Variants in STON2 observed in about 807,000 individuals in gnomAD.
STON2 encodes stonin 2, also known as stonin-2.
A neutral mutation model predicts 65.7 loss-of-function variants in STON2; 29 were observed. That is an observed-to-expected ratio of 0.44 (90% CI 0.33 to 0.60). The LOEUF is 0.60. Ranked by LOEUF, STON2 falls within the 20% of genes least tolerant of loss-of-function variation. The pLI is 0.03. For missense variants in STON2, 1,054 were observed against 1,118.1 expected (o/e 0.94, Z 0.82); for synonymous variants, 404 against 414.2 (o/e 0.98, Z 0.30).
intron 5 of STON2, among the ~76,000 whole-genome samples, chr14:81,292,438 CTT>C (rs1217860229): frequency 6.6e-6 from 1 of 152,210 alleles, no homozygotes; most frequent in African/African-American, 2.4e-5. Flanking sequence ...ATAATCCCCT[CTT>C]GTCATTGGAG....
intron 1 of STON2, among the ~76,000 whole-genome samples, chr14:81,431,735 G>A (rs117681714): frequency 9.3e-5 from 14 of 150,368 alleles, no homozygotes; most frequent in African/African-American, 1.7e-4. Flanking sequence ...CCGATATTGC[G>A]CACTGCACTC....
At chr14:81,426,873 C>T (rs761833785) in intron 2 of STON2, among the ~76,000 whole-genome samples, 2 of 152,190 alleles carry the variant, frequency 1.3e-5, no homozygotes, top group Non-Finnish European at 2.9e-5. Context: ...ACGTAAGCTT[C>T]GTCTAACACA....
At position 81,384,166 on chromosome 14, in the gene STON2, T is replaced by A. The variant is rs536229029; in HGVS notation, c.373+11728A>T. 1.8e-4 allele frequency among the ~76,000 whole-genome samples: 27 copies of A among 152,312 alleles called. No individual in the cohort carries two copies. In the Middle Eastern group the frequency reaches 0.01, roughly 58 times the overall value. On this transcript the variant is annotated intron_variant, in intron 3 of 7. Coordinates refer to ENST00000614646, the MANE Select transcript of STON2 (RefSeq NM_001394390.1). The stretch of plus-strand genomic sequence containing the variant: ...GGAAAATTTCACATCCCCCTCACCA[T>A]AGTCCCTTGTTTTGCCTCATTTTTC...
At chr14:81,435,894 G>C (rs975735150) in intron 1 of STON2, among the ~76,000 whole-genome samples, 1 of 152,204 alleles carries the variant, frequency 6.6e-6, no homozygotes, top group Non-Finnish European at 1.5e-5. Flanking sequence ...CCCGAAGGCG[G>C]GGCGCGGCGC....
chr14:81,415,296 G>C lies in STON2; in HGVS notation c.-199+11806C>G, dbSNP rs536787533. The stretch of plus-strand genomic sequence containing the variant: ...GCATTTCAGAGAAATGCTGAGGCCA[G>C]AGAGGCCTCAGCTGAGGCCAGAGAG... On this transcript the variant is annotated intron_variant, in intron 2 of 8. Transcript: ENST00000553821. Among the ~76,000 whole-genome samples the C allele has an allele frequency of 5.1e-4, 53 of 104,412 alleles. No individual in the cohort carries two copies. The East Asian group carries it at 0.015, about 30-fold the overall frequency. The allele number at this position is 104,412 out of a possible 152,430, so 68.5% of individuals were successfully genotyped here. A position where few individuals can be genotyped will look rare whatever the true frequency, so the allele number is the denominator to read the frequency against.
At chr14:81,347,835 G>A (rs1022219724) in intron 4 of STON2, among the ~76,000 whole-genome samples, 3 of 142,114 alleles carry the variant, frequency 2.1e-5, no homozygotes, top group East Asian at 4.3e-4. Flanking sequence ...CTTGAGCCCA[G>A]GAGTTTGAAA....
intron 3 of STON2, among the ~76,000 whole-genome samples, chr14:81,373,821 G>T (rs1175406689): frequency 6.6e-6 from 1 of 151,886 alleles, no homozygotes; most frequent in East Asian, 1.9e-4. Context: ...CCTTAGGATT[G>T]CATGAAGAGT....
rs1396227916 is a variant in STON2, at chr14:81,277,734, T to G, written c.1748A>C (p.Gln583Pro). ...PAVAHTAERE[Q>P]VIKLGTTNYD... ...ATTGGTGGTGCCCAGCTTAATCACC[T>G]GTTCCCTCTCTGCTGTGTGGGCCAC... The change falls in exon 6 of 8, where the codon CAG becomes CCG. Residue 583 changes from glutamine to proline, a missense_variant. Transcript: ENST00000614646. The G allele has an allele frequency of 1.9e-6, 3 of 1,614,186 alleles. No homozygotes were observed. The highest frequency in any genetic ancestry group is 2.5e-6 in the Non-Finnish European group (3 of 1,180,024).
Position 81,327,904 on chromosome 14 carries a change from CA to C in STON2, c.572-3718del, listed in dbSNP as rs1315757337. ...AGTGGTGAAGGACTGGTCCACAGTACACCACTCAAGTTCAAACCTAATTTTG... is the reference window on the plus strand; with the variant it reads ...AGTGGTGAAGGACTGGTCCACAGTACCCACTCAAGTTCAAACCTAATTTTG... On this transcript the variant is annotated intron_variant, in intron 4 of 7. Transcript: ENST00000614646. Among the ~76,000 whole-genome samples the C allele has an allele frequency of 3.3e-5, 5 of 152,308 alleles. No individual in the cohort carries two copies. In the South Asian group the frequency reaches 8.3e-4, roughly 25 times the overall value.
intron 3 of STON2, among the ~76,000 whole-genome samples, chr14:81,371,982 C>T (rs1274023019): frequency 2.0e-5 from 3 of 152,074 alleles, no homozygotes; most frequent in African/African-American, 7.2e-5. Context: ...CCCCTGCTTG[C>T]TTTGAGTTGA....
In STON2 at chr14:81,268,495, C is replaced by T. The variant is rs1039506705; in HGVS notation, c.2787G>A (p.Val929=). ...TCAAACTCTTTTTTTGCTCAATTTC[C>T]ACCTGCCAAGAATAGAAGTTGGAGA... ...VNYSAHYSYQ[V]EIEQKKSLKP... Residue 929 remains valine, a splice_region_variant and synonymous_variant, in exon 8 of 8, where the codon GTG becomes GTA. Coordinates refer to ENST00000614646, the MANE Select transcript of STON2 (RefSeq NM_001394390.1). 2 of 1,289,420 alleles carry T rather than the reference C, an allele frequency of 1.6e-6. No homozygotes were observed. The highest frequency in any genetic ancestry group is 1.5e-5 in the African/African-American group (1 of 65,850). 79.9% of individuals were successfully genotyped at this position (1,289,420 alleles called of 1,614,324 possible).
At chr14:81,356,630 T>C (rs1898246026) in intron 4 of STON2, among the ~76,000 whole-genome samples, 1 of 152,192 alleles carries the variant, frequency 6.6e-6, no homozygotes, top group Non-Finnish European at 1.5e-5. Context: ...TGTGAATCCA[T>C]CTGGTCCTGG....
intron 4 of STON2, among the ~76,000 whole-genome samples, chr14:81,341,456 TG>T (rs773914050): frequency 0.024 from 2,801 of 118,882 alleles, 51 homozygotes; most frequent in South Asian, 0.04. Flanking sequence ...GTTTTTTTTT[TG>T]TTTTTTTTTT....
At chr14:81,304,863 A>G (rs776072812) in intron 5 of STON2, among the ~76,000 whole-genome samples, 1 of 152,198 alleles carries the variant, frequency 6.6e-6, no homozygotes, top group African/African-American at 2.4e-5. Flanking sequence ...AACATAAATC[A>G]TAAGTTTAAA....
At chr14:81,435,363 C>T (rs1902376453) in intron 1 of STON2, among the ~76,000 whole-genome samples, 1 of 152,110 alleles carries the variant, frequency 6.6e-6, no homozygotes, top group African/African-American at 2.4e-5. Flanking sequence ...CCATCCACTC[C>T]GTATAATAAA....
intron 5 of STON2, among the ~76,000 whole-genome samples, chr14:81,315,816 AGAG>A (rs1316892523): frequency 6.6e-6 from 1 of 152,262 alleles, no homozygotes; most frequent in Non-Finnish European, 1.5e-5. Context: ...TTGAGCAAGA[AGAG>A]GAGGAGGATA....
intron 4 of STON2, among the ~76,000 whole-genome samples, chr14:81,356,134 G>A (rs1898219333): frequency 6.6e-6 from 1 of 152,180 alleles, no homozygotes; most frequent in African/African-American, 2.4e-5. Flanking sequence ...GTATGATATT[G>A]CCTGTGGGTT....
In STON2 at chr14:81,261,910, G is replaced by T; in HGVS notation, c.*6504C>A. 6.6e-7 allele frequency: 1 copy of T among 1,506,970 alleles called. No homozygotes were observed. The highest frequency in any genetic ancestry group is 1.3e-5 in the South Asian group (1 of 78,818). The allele number at this position is 1,506,970 out of a possible 1,614,324, so 93.3% of individuals were successfully genotyped here. ...AGGCAACTGCAATATAGAGGATTTG[G>T]AAGGTTGTCTGTTTCTGTTGTCTGG... On this transcript the variant is annotated 3_prime_UTR_variant, in exon 8 of 8. Coordinates refer to ENST00000614646, the MANE Select transcript of STON2 (RefSeq NM_001394390.1).
intron 4 of STON2, among the ~76,000 whole-genome samples, chr14:81,337,007 C>T (rs971899382): frequency 6.6e-6 from 1 of 152,068 alleles, no homozygotes; most frequent in Non-Finnish European, 1.5e-5. Flanking sequence ...GTCTTAGTCC[C>T]AAGGTTCTAA....
Sources: gnomAD v4.1 joint callset for allele counts (sites outside exome capture counted in the v4.1 genomes callset) on GRCh38, gnomAD v4.1.1 for gene constraint, MANE v1.5 for transcripts, NCBI Gene and HGNC (gene_info 2026-07-23, HGNC 2026-07-21) for gene names.